Variants in ZNF462 observed in about 807,000 individuals in gnomAD.
The protein encoded by ZNF462 is zinc finger PBX1-interacting protein.
In ZNF462, 10 loss-of-function variants were observed where a neutral mutation model predicts 201.9. The observed-to-expected ratio is 0.05, with a 90% CI of 0.03 to 0.08. The LOEUF (loss-of-function observed/expected upper bound fraction) is 0.08. Ranked by LOEUF, ZNF462 falls within the 10% of genes least tolerant of loss-of-function variation. The pLI is 1.00. For missense variants in ZNF462, 2,523 were observed against 3,168.3 expected, an observed-to-expected ratio of 0.80 and a Z score of 4.89; for synonymous variants, 1,227 against 1,193.3, an observed-to-expected ratio of 1.03 and a Z score of -0.58.
chr9:106,892,704 GCACACACACACA>G (rs10568431), intron 1 of ZNF462, among the ~76,000 whole-genome samples: 2 of 131,844 alleles, frequency 1.5e-5, no homozygotes, highest in Admixed American at 7.3e-5. Flanking sequence ...ACACACACAC[GCACACACACACA>G]CACACACACA....
At chr9:106,901,061 G>A (rs1475590563) in intron 1 of ZNF462, among the ~76,000 whole-genome samples, 1 of 152,090 alleles carries the variant, frequency 6.6e-6, no homozygotes, top group Non-Finnish European at 1.5e-5. Context: ...GTTGATTTTT[G>A]TATAAAGTAA....
intron 7 of ZNF462, among the ~76,000 whole-genome samples, chr9:106,958,326 A>G (rs187328811): frequency 6.6e-6 from 1 of 152,222 alleles, no homozygotes; most frequent in African/African-American, 2.4e-5. Flanking sequence ...TTGCCTTCAG[A>G]ATAAATTCTG....
chr9:106,915,467 G>A (rs1230744763), intron 1 of ZNF462, among the ~76,000 whole-genome samples: 3 of 152,158 alleles, frequency 2.0e-5, no homozygotes, highest in African/African-American at 7.2e-5. Flanking sequence ...GGGATTGCAA[G>A]AGAAAAGAAA....
intron 1 of ZNF462, among the ~76,000 whole-genome samples, chr9:106,908,936 TATATA>T (rs1272331077): frequency 4.9e-4 from 18 of 36,824 alleles, no homozygotes; most frequent in East Asian, 1.3e-3. Flanking sequence ...TATATATATA[TATATA>T]TTTTTTTTTT....
Position 106,926,930 on chromosome 9 carries a change from A to G in ZNF462, c.3018A>G (p.Lys1006=), listed in dbSNP as rs1360153413. The G allele has an allele frequency of 6.2e-7, 1 of 1,614,178 alleles. No homozygotes were observed. Among genetic ancestry groups the G allele is most frequent in the South Asian group, 1.1e-5 (1 of 91,080 alleles). The change falls in exon 3 of 13, where the codon AAA becomes AAG. Residue 1006 remains lysine (K), a synonymous_variant. Coordinates refer to ENST00000277225, the MANE Select transcript of ZNF462 (RefSeq NM_021224.6). The surrounding 1 kb of genome is among the most constrained non-coding windows in gnomAD (Gnocchi z 7.9). The part of the protein sequence containing the change: ...RGGGLPATFN[K]NTPKTFTPEC... ...GTGGTTTGCCAGCTACGTTCAACAA[A>G]AACACTCCTAAGACCTTTACTCCTG...
rs1011071130 is a variant in ZNF462, at chr9:106,974,332, T to G, written c.6832+59T>G. The G allele has an allele frequency of 6.2e-7, 1 of 1,612,096 alleles. No homozygotes were observed. The highest frequency in any genetic ancestry group is 8.5e-7 in the Non-Finnish European group (1 of 1,178,280). On this transcript the variant is annotated intron_variant, in intron 9 of 12. Coordinates refer to ENST00000277225, the MANE Select transcript of ZNF462 (RefSeq NM_021224.6). The surrounding 1 kb of genome is among the most constrained non-coding windows in gnomAD (Gnocchi z 4.0). ...CGGGGGGCAGGCAGCAGAGATGGCCTTCTAGGGATGCTCTCTCAGAGTGGC... is the reference window on the plus strand; with the variant it reads ...CGGGGGGCAGGCAGCAGAGATGGCCGTCTAGGGATGCTCTCTCAGAGTGGC...
chr9:107,002,339 G>A (rs1829247748), intron 10 of ZNF462, among the ~76,000 whole-genome samples: 1 of 152,132 alleles, frequency 6.6e-6, no homozygotes, highest in Admixed American at 6.6e-5. Flanking sequence ...CCTCCAACAA[G>A]GGGAGCATAA....
intron 1 of ZNF462, among the ~76,000 whole-genome samples, chr9:106,881,761 T>C (rs993124079): frequency 1.3e-5 from 2 of 152,170 alleles, no homozygotes; most frequent in Non-Finnish European, 2.9e-5. Flanking sequence ...TTTTTTATTA[T>C]ATGGTGGCTT....
At chr9:106,896,791 A>G (rs1305503477) in intron 1 of ZNF462, among the ~76,000 whole-genome samples, 2 of 152,240 alleles carry the variant, frequency 1.3e-5, no homozygotes, top group East Asian at 3.8e-4. Context: ...TTATGAAGAC[A>G]GATCACAAGG....
In ZNF462 at chr9:107,010,770, AAG is replaced by A; in HGVS notation, c.7314-49_7314-48del. 1 of 1,465,782 alleles carries A rather than the reference AAG, an allele frequency of 6.8e-7. No individual in the cohort carries two copies. The highest frequency in any genetic ancestry group is 1.4e-5 in the African/African-American group (1 of 69,374). 90.8% of individuals were successfully genotyped at this position (1,465,782 alleles called of 1,614,324 possible). ...GGTTTTTATTATTTTTTTGTTTAAA[AAG>A]AGAAATATATATACTATACTCATCT... On this transcript the variant is annotated intron_variant, in intron 12 of 12. Coordinates refer to ENST00000277225, the MANE Select transcript of ZNF462 (RefSeq NM_021224.6). This position sits in a 1 kb window ranked among gnomAD's most constrained non-coding sequence, Gnocchi z 4.6.
chr9:106,999,222 A>G (rs560122998), intron 10 of ZNF462, among the ~76,000 whole-genome samples: 1 of 152,246 alleles, frequency 6.6e-6, no homozygotes, highest in South Asian at 2.1e-4. Flanking sequence ...AGAGGAAACA[A>G]GTGTGTTTCT....
rs931894620 is a variant in ZNF462 at position 106,962,569 on chromosome 9, A to G, written c.6428-9436A>G. Among the ~76,000 whole-genome samples the G allele has an allele frequency of 2.0e-5, 3 of 152,072 alleles. No individual in the cohort carries two copies. Among genetic ancestry groups the G allele is most frequent in the Admixed American group, 6.6e-5 (1 of 15,244 alleles). On this transcript the variant is annotated intron_variant, in intron 7 of 12. Transcript: ENST00000277225. This position sits in a 1 kb window ranked among gnomAD's most constrained non-coding sequence, Gnocchi z 4.6. ...GTGAATGTAAGTATGATGGGAAACT[A>G]GATCTCAAAAAAGAGAAAGCTTGCC...
At position 106,984,457 on chromosome 9, in the gene ZNF462, G is replaced by A; in HGVS notation, c.7056+48G>A. ...CCCGCCTCAGCACACTTGTGGGGAG[G>A]GGCCAAGGGGGAGACACCACTGCAT... On this transcript the variant is annotated intron_variant, in intron 10 of 12. Transcript: ENST00000277225. This position sits in a 1 kb window ranked among gnomAD's most constrained non-coding sequence, Gnocchi z 6.4. The A allele has an allele frequency of 6.8e-7, 1 of 1,480,382 alleles. No individual in the cohort carries two copies. Among genetic ancestry groups the A allele is most frequent in the Non-Finnish European group, 9.2e-7 (1 of 1,082,222 alleles). The allele number at this position is 1,480,382 out of a possible 1,614,324, so 91.7% of individuals were successfully genotyped here. A position where few individuals can be genotyped will look rare whatever the true frequency, so the allele number is the denominator to read the frequency against.
chr9:106,860,813 A>T (rs1181882705), upstream of ZNF462, among the ~76,000 whole-genome samples: 2 of 151,940 alleles, frequency 1.3e-5, no homozygotes, highest in African/African-American at 2.4e-5. The surrounding 1 kb of genome is among the most constrained non-coding windows in gnomAD (Gnocchi z 7.1). Context: ...CCCGGTGGGG[A>T]GGAGCTCGGG....
chr9:106,988,337 A>G (rs769047492), intron 10 of ZNF462, among the ~76,000 whole-genome samples: 1 of 152,066 alleles, frequency 6.6e-6, no homozygotes, highest in Admixed American at 6.6e-5. Context: ...ATTCACTACC[A>G]CAAGAACAGT....
In ZNF462 at chr9:106,923,471, T is replaced by C; in HGVS notation, c.88T>C (p.Phe30Leu). The C allele has an allele frequency of 2.5e-6, 4 of 1,614,222 alleles. No individual in the cohort carries two copies. Among genetic ancestry groups the C allele is most frequent in the Non-Finnish European group, 3.4e-6 (4 of 1,180,040 alleles). Residue 30 changes from phenylalanine (F) to leucine (L), a missense_variant, in exon 2 of 13, where the codon TTT becomes CTT. This residue lies in a region of ZNF462 where 480 missense variants were observed against 544.4 expected (regional missense o/e 0.88). Coordinates refer to ENST00000277225, the MANE Select transcript of ZNF462 (RefSeq NM_021224.6). This position sits in a 1 kb window ranked among gnomAD's most constrained non-coding sequence, Gnocchi z 5.6. ...ACACATTCAGGATGTCCACACGGCA[T>C]TTCTGCAGCCAACTGATGTTGCTGA... is the stretch of plus-strand genomic sequence containing the variant. ...KAHIQDVHTA[F>L]LQPTDVAEDN... is the part of the protein sequence containing the mutation.
intron 10 of ZNF462, chr9:106,995,765 T>G (rs1828664377): frequency 1.3e-5 from 2 of 152,174 alleles, no homozygotes; most frequent in South Asian, 4.1e-4. Flanking sequence ...CCTACTTTTA[T>G]TCTCTCATTA....
Position 106,935,733 on chromosome 9 carries a change from T to G in ZNF462, c.6235+112T>G. ...GCCTTACACTTGAGAATGTTATTCT[T>G]GGGATGGATGTATATTCAGTTTTAT... On this transcript the variant is annotated intron_variant, in intron 6 of 12. Transcript: ENST00000277225. The surrounding 1 kb of genome is among the most constrained non-coding windows in gnomAD (Gnocchi z 4.1). 1.3e-6 allele frequency: 1 copy of G among 765,494 alleles called. No individual in the cohort carries two copies. Among genetic ancestry groups the G allele is most frequent in the South Asian group, 2.3e-5 (1 of 43,130 alleles). The allele number at this position is 765,494 out of a possible 1,614,324, so 47.4% of individuals were successfully genotyped here.
chr9:106,890,946 G>A lies in ZNF462; in HGVS notation c.-31+27591G>A, dbSNP rs1229572902. 6.6e-6 allele frequency among the ~76,000 whole-genome samples: 1 copy of A among 152,140 alleles called. No individual in the cohort carries two copies. Among genetic ancestry groups the A allele is most frequent in the Non-Finnish European group, 1.5e-5 (1 of 68,026 alleles). Reference sequence around the variant, plus strand: ...TGATGGTTTTCTTTGTACCTTTCTGGTTGAGTAAAGAATAAGATAGTCTTT... The same window carrying A: ...TGATGGTTTTCTTTGTACCTTTCTGATTGAGTAAAGAATAAGATAGTCTTT... On this transcript the variant is annotated intron_variant, in intron 1 of 12. Coordinates refer to ENST00000277225, the MANE Select transcript of ZNF462 (RefSeq NM_021224.6). The surrounding 1 kb of genome is among the most constrained non-coding windows in gnomAD (Gnocchi z 4.2).
Sources: allele counts gnomAD v4.1 joint callset (sites outside exome capture counted in the v4.1 genomes callset), GRCh38; gene constraint gnomAD v4.1.1; regional missense constraint gnomAD v4.1.1; non-coding constraint Gnocchi (gnomAD v3.1); transcripts MANE v1.5; gene names NCBI Gene and HGNC (gene_info 2026-07-23, HGNC 2026-07-21).